PCCA: variants seen among roughly 807,000 people sequenced by gnomAD.
PCCA encodes propionyl-CoA carboxylase subunit alpha, also known as propionyl-CoA carboxylase alpha chain, mitochondrial.
PCCA carries 74 observed loss-of-function variants against 101.3 expected under a neutral mutation model. The observed-to-expected ratio is 0.73, with a 90% CI of 0.61 to 0.89. PCCA has a LOEUF of 0.89. Ranked by LOEUF, PCCA falls within the 40% of genes least tolerant of loss-of-function variation. The pLI, the probability that PCCA is intolerant of heterozygous loss-of-function variation, is 0.00. For missense variants in PCCA, 891 were observed against 907.0 expected (o/e 0.98, Z 0.23); for synonymous variants, 294 against 313.6 (o/e 0.94, Z 0.66).
At chr13:100,262,695 C>A in intron 9 of PCCA, 34 bp from the exon 10 acceptor site, 1 of 898,780 alleles carries the variant, frequency 1.1e-6, no homozygotes, top group Non-Finnish European at 1.9e-6. Flanking sequence ...CCTCCCTCTC[C>A]CCCCCTCCTC....
At chr13:100,451,739 TTCTCTCCTTC>T (rs1566342022) in intron 21 of PCCA, among the ~76,000 whole-genome samples, 9 of 87,188 alleles carry the variant, frequency 1.0e-4, no homozygotes, top group African/African-American at 3.7e-4. Context: ...TCTCTCTCTC[TTCTCTCCTTC>T]CTCTCCCTCT....
chr13:100,503,967 T>C lies in PCCA; in HGVS notation c.1900-11460T>C, dbSNP rs2085879491. On this transcript the variant is annotated intron_variant, in intron 21 of 23. Coordinates refer to ENST00000376285, the MANE Select transcript of PCCA (RefSeq NM_000282.4). ...TAAATGTATTTGTAGTATACATATA[T>C]GTTTATATTTTGATAGATTCATGTG... Among the ~76,000 whole-genome samples, 4 of 152,222 alleles carry C rather than the reference T, an allele frequency of 2.6e-5. No individual in the cohort carries two copies. In the South Asian group the frequency reaches 8.3e-4, roughly 32 times the overall value.
rs948607975 is a variant in PCCA at position 100,290,499 on chromosome 13, G to A, written c.1066-10961G>A. On this transcript the variant is annotated intron_variant, in intron 12 of 23. Coordinates refer to ENST00000376285, the MANE Select transcript of PCCA (RefSeq NM_000282.4). ...AGTGCTGGGATTACAGGCATGAGCCGTTGTGTCTGGCTCTAATTTTCTTTT... is the reference window on the plus strand; with the variant it reads ...AGTGCTGGGATTACAGGCATGAGCCATTGTGTCTGGCTCTAATTTTCTTTT... 3.9e-5 allele frequency among the ~76,000 whole-genome samples: 6 copies of A among 152,252 alleles called. No homozygotes were observed. The South Asian group carries it at 6.2e-4, about 16-fold the overall frequency.
intron 4 of PCCA, among the ~76,000 whole-genome samples, chr13:100,117,679 G>A (rs949377082): frequency 1.3e-5 from 2 of 152,078 alleles, no homozygotes; most frequent in Admixed American, 6.6e-5. Flanking sequence ...TGTAAATGAC[G>A]AGTTGATGGG....
chr13:100,527,611 C>T lies in PCCA; in HGVS notation c.2041-64C>T, dbSNP rs985763553. On this transcript the variant is annotated intron_variant, in intron 22 of 23. Transcript: ENST00000376285. Reference sequence around the variant, plus strand: ...TTGACAAAGAATTTCTTAATGGCTTCATTCCTAAGTGTTAATGCAAAATTA... The same window carrying T: ...TTGACAAAGAATTTCTTAATGGCTTTATTCCTAAGTGTTAATGCAAAATTA... 3.7e-6 allele frequency: 4 copies of T among 1,095,548 alleles called. No homozygotes were observed. The Admixed American group carries it at 5.0e-5, about 14-fold the overall frequency. The allele number at this position is 1,095,548 out of a possible 1,614,324, so 67.9% of individuals were successfully genotyped here.
Position 100,257,625 on chromosome 13 carries a change from G to A in PCCA, c.668G>A (p.Gly223Asp). The change falls in exon 9 of 24, where the codon GGT becomes GAT. Residue 223 changes from glycine to aspartate, a missense_variant. Transcript: ENST00000376285. ...CCTGTCATGATCAAGGCCTCAGCAGGTGGTGGTGGGAAAGGCATGCGCATT... is the reference window on the plus strand; with the variant it reads ...CCTGTCATGATCAAGGCCTCAGCAGATGGTGGTGGGAAAGGCATGCGCATT... ...GYPVMIKASA[G>D]GGGKGMRIAW... The A allele has an allele frequency of 6.2e-7, 1 of 1,613,752 alleles. No homozygotes were observed. The highest frequency in any genetic ancestry group is 8.5e-7 in the Non-Finnish European group (1 of 1,179,816).
intron 12 of PCCA, among the ~76,000 whole-genome samples, chr13:100,290,508 G>A (rs980018550): frequency 6.6e-6 from 1 of 152,164 alleles, no homozygotes; most frequent in Non-Finnish European, 1.5e-5. Context: ...CGTTGTGTCT[G>A]GCTCTAATTT....
intron 6 of PCCA, among the ~76,000 whole-genome samples, chr13:100,200,024 C>G (rs559908581): frequency 1.6e-4 from 25 of 152,286 alleles, no homozygotes; most frequent in African/African-American, 5.8e-4. Context: ...ATAATCTTCT[C>G]TAGCTTCCTT....
intron 21 of PCCA, among the ~76,000 whole-genome samples, chr13:100,507,943 A>T (rs1480911984): frequency 6.6e-6 from 1 of 152,078 alleles, no homozygotes; most frequent in Admixed American, 6.6e-5. Context: ...GGTGTGAGCC[A>T]CCGCACCCAG....
chr13:100,318,343 C>T lies in PCCA; in HGVS notation c.1429+8435C>T, dbSNP rs901807231. ...GTGAAATCTCTCTCTGTCTCTGTCT[C>T]TCTCTCTCTTTTAATTATACTTTAA... On this transcript the variant is annotated intron_variant, in intron 16 of 23. Transcript: ENST00000376285. Among the ~76,000 whole-genome samples, 69 of 151,904 alleles carry T rather than the reference C, an allele frequency of 4.5e-4. 2 individuals carry two copies. The highest frequency in any genetic ancestry group is 2.9e-5 in the Non-Finnish European group (2 of 67,962).
chr13:100,234,685 T>C (rs150587756), intron 7 of PCCA, among the ~76,000 whole-genome samples: 1 of 151,508 alleles, frequency 6.6e-6, no homozygotes, highest in Non-Finnish European at 1.5e-5. Context: ...GAACCAGTTA[T>C]AAACATCCCC....
chr13:100,298,962 A>G (rs567125239), intron 12 of PCCA, among the ~76,000 whole-genome samples: 19 of 151,982 alleles, frequency 1.3e-4, no homozygotes, highest in Admixed American at 7.2e-4. Context: ...ATGTATTTAG[A>G]AGGATTTCTT....
chr13:100,258,487 A>G (rs1223082192), intron 9 of PCCA, among the ~76,000 whole-genome samples: 1 of 152,192 alleles, frequency 6.6e-6, no homozygotes. Context: ...GTGGACTTCA[A>G]TTTTTTTCTC....
At chr13:100,379,101 G>T (rs1002215144) in intron 19 of PCCA, among the ~76,000 whole-genome samples, 1 of 152,116 alleles carries the variant, frequency 6.6e-6, no homozygotes, top group African/African-American at 2.4e-5. Context: ...TCCTGAAGAT[G>T]TATCCATGCT....
intron 19 of PCCA, among the ~76,000 whole-genome samples, chr13:100,389,189 C>T (rs556690253): frequency 7.2e-5 from 11 of 151,974 alleles, no homozygotes; most frequent in East Asian, 3.9e-4. Flanking sequence ...GAACTGAACA[C>T]GGAGGTGGTT....
intron 2 of PCCA, 32 bp from the exon 3 acceptor site, chr13:100,111,809 A>G (rs2048346222): frequency 2.0e-6 from 3 of 1,521,542 alleles, no homozygotes; most frequent in Non-Finnish European, 9.1e-7. Context: ...AAAAGTAACA[A>G]TTTCTAATGA....
At chr13:100,346,733 ATTG>A (rs1043355307) in intron 18 of PCCA, among the ~76,000 whole-genome samples, 3 of 152,224 alleles carry the variant, frequency 2.0e-5, no homozygotes, top group East Asian at 3.9e-4. Context: ...AGCAAACTTT[ATTG>A]TTGTCTTATT....
chr13:100,502,797 G>A (rs2085778349), intron 21 of PCCA, among the ~76,000 whole-genome samples: 1 of 152,216 alleles, frequency 6.6e-6, no homozygotes, highest in African/African-American at 2.4e-5. Flanking sequence ...ACTGCAGCCA[G>A]GCAGAGTTGT....
intron 1 of PCCA, among the ~76,000 whole-genome samples, chr13:100,101,440 T>G (rs1032570675): frequency 1.2e-4 from 19 of 152,290 alleles, no homozygotes; most frequent in African/African-American, 3.8e-4. Context: ...ATATGAGAGA[T>G]AGTCTTGATC....
Sources: allele counts gnomAD v4.1 joint callset (sites outside exome capture counted in the v4.1 genomes callset), GRCh38; gene constraint gnomAD v4.1.1; transcripts MANE v1.5; gene names NCBI Gene and HGNC (gene_info 2026-07-23, HGNC 2026-07-21).